The following HOXB3 variants were observed in gnomAD, a reference collection of about 807,000 sequenced individuals.
The protein encoded by HOXB3 is homeobox B3, also known as homeobox protein Hox-B3.
HOXB3 carries 17 observed loss-of-function variants against 29.2 expected under a neutral mutation model. The observed-to-expected ratio is 0.58, with a 90% CI of 0.40 to 0.87. The LOEUF (loss-of-function observed/expected upper bound fraction) is 0.87. Among genes scored for constraint, HOXB3 ranks in the 40% least tolerant of loss-of-function variants. The pLI, the probability that HOXB3 is intolerant of heterozygous loss-of-function variation, is 0.00. For missense variants in HOXB3, 637 were observed against 616.3 expected, an observed-to-expected ratio of 1.03 and a Z score of -0.35; for synonymous variants, 317 against 285.9, an observed-to-expected ratio of 1.11 and a Z score of -1.10.
intron 1 of HOXB3, chr17:48,579,124 G>T (rs983364518): frequency 3.9e-5 from 6 of 152,276 alleles, no homozygotes; most frequent in African/African-American, 7.2e-5. Context: ...CAGTCCGTCT[G>T]TCCCCCTTCT....
intron 2 of HOXB3, chr17:48,557,248 TCTTAA>T (rs1469900793): frequency 3.9e-5 from 6 of 152,298 alleles, no homozygotes; most frequent in African/African-American, 1.4e-4. Context: ...AAACTGGTCC[TCTTAA>T]CTTCATGTAA....
chr17:48,585,278 C>T (rs1442009530), intron 1 of HOXB3, among the ~76,000 whole-genome samples: 3 of 152,122 alleles, frequency 2.0e-5, no homozygotes, highest in African/African-American at 7.2e-5. Flanking sequence ...TTTTTGACAC[C>T]CGAGTGGGGC....
At chr17:48,577,734 C>A in intron 1 of HOXB3, 1 of 814,576 alleles carries the variant, frequency 1.2e-6, no homozygotes, top group Non-Finnish European at 1.7e-6. Context: ...CGTAAATCTC[C>A]GGCAATGGCG....
At chr17:48,589,419 CCTCT>C (rs1342282691) in intron 1 of HOXB3, among the ~76,000 whole-genome samples, 1 of 152,048 alleles carries the variant, frequency 6.6e-6, no homozygotes, top group Non-Finnish European at 1.5e-5. Context: ...GGGGAATTGC[CCTCT>C]CTGTCTGCTC....
chr17:48,555,264 C>A (rs1182205870), intron 3 of HOXB3: 1 of 533,686 alleles, frequency 1.9e-6, no homozygotes, highest in Non-Finnish European at 3.3e-6. Context: ...AGCCCTGGAT[C>A]TGGCTGCTGA....
In HOXB3 at chr17:48,564,341, C is replaced by T. The variant is rs987531163; in HGVS notation, c.-246-8723G>A. 6.6e-5 allele frequency among the ~76,000 whole-genome samples: 10 copies of T among 152,110 alleles called. No individual in the cohort carries two copies. The Middle Eastern group carries it at 0.01, about 156-fold the overall frequency. On this transcript the variant is annotated intron_variant, in intron 2 of 4. Coordinates refer to ENST00000498678, the MANE Select transcript of HOXB3 (RefSeq NM_001384749.1). ...CTCCGCCGCCGCAGCCAGCCGCATC[C>T]TAGTCGCTCAACCCGCAGCAACCCC... is the stretch of plus-strand genomic sequence containing the variant.
At chr17:48,571,840 A>ACTCCAGTT (rs1463621397) in intron 2 of HOXB3, among the ~76,000 whole-genome samples, 1 of 152,074 alleles carries the variant, frequency 6.6e-6, no homozygotes, top group Non-Finnish European at 1.5e-5. Flanking sequence ...AGTATCAACC[A>ACTCCAGTT]CTCCAGTTAT....
intron 1 of HOXB3, chr17:48,576,257 C>T (rs1029099004): frequency 2.6e-5 from 4 of 153,822 alleles, no homozygotes; most frequent in Non-Finnish European, 5.8e-5. Context: ...CCGAGCCGGG[C>T]CTCATTTGTT....
chr17:48,556,345 G>GT (rs1206139974), intron 2 of HOXB3: 1 of 152,492 alleles, frequency 6.6e-6, no homozygotes, highest in East Asian at 1.9e-4. Context: ...AGGGTGCCGG[G>GT]TGCCCCTCTG....
chr17:48,581,231 T>C (rs1331800420), intron 1 of HOXB3: 1 of 152,214 alleles, frequency 6.6e-6, no homozygotes, highest in African/African-American at 2.4e-5. Context: ...GATTTTCTTT[T>C]AATCTTAAAT....
At chr17:48,579,788 G>A (rs1003343529) in intron 1 of HOXB3, 5 of 362,368 alleles carry the variant, frequency 1.4e-5, no homozygotes, top group Non-Finnish European at 2.8e-5. Flanking sequence ...TCCTCATTCA[G>A]AAAAATACTA....
intron 2 of HOXB3, among the ~76,000 whole-genome samples, chr17:48,561,208 A>ACACACACACACACACC (rs2069183909): frequency 6.6e-6 from 1 of 151,584 alleles, no homozygotes; most frequent in Non-Finnish European, 1.5e-5. Context: ...ACACACACAC[A>ACACACACACACACACC]CACACACACA....
intron 1 of HOXB3, chr17:48,577,883 C>A (rs1242102189): frequency 2.2e-6 from 3 of 1,391,872 alleles, no homozygotes; most frequent in Admixed American, 2.9e-5. Context: ...GTGAACTTTG[C>A]GCATCCAGGG....
intron 2 of HOXB3, among the ~76,000 whole-genome samples, chr17:48,570,660 C>G (rs117171962): frequency 0.044 from 6,774 of 152,274 alleles, 191 homozygotes; most frequent in South Asian, 0.072. Flanking sequence ...CTCGGAGGTT[C>G]CAGCTACAGT....
chr17:48,564,657 C>A (rs528701294), intron 2 of HOXB3, among the ~76,000 whole-genome samples: 1 of 152,342 alleles, frequency 6.6e-6, no homozygotes, highest in East Asian at 1.9e-4. Context: ...CACGGCGAGG[C>A]GTAGGGAGCG....
chr17:48,558,066 G>T (rs556208624), intron 2 of HOXB3, among the ~76,000 whole-genome samples: 2 of 152,102 alleles, frequency 1.3e-5, no homozygotes. Flanking sequence ...AGCCAAGAAT[G>T]TACCTCAAAA....
intron 2 of HOXB3, among the ~76,000 whole-genome samples, chr17:48,561,183 AAC>A (rs530713063): frequency 0.13 from 16,345 of 125,272 alleles, 986 homozygotes; most frequent in South Asian, 0.17. Context: ...TCCGTCTCAA[AAC>A]ACACACACAC....
intron 1 of HOXB3, chr17:48,577,000 C>T (rs771104213): frequency 1.2e-6 from 2 of 1,604,932 alleles, no homozygotes; most frequent in Non-Finnish European, 1.7e-6. Flanking sequence ...TTGGGCTCCC[C>T]GCCGGCGTAA....
chr17:48,574,686 C>T (rs949817855), intron 1 of HOXB3, among the ~76,000 whole-genome samples: 5 of 152,162 alleles, frequency 3.3e-5, no homozygotes, highest in Admixed American at 2.0e-4. Flanking sequence ...CCAAGCAGTG[C>T]TGCACAAAAG....
Sources: allele counts gnomAD v4.1 joint callset (sites outside exome capture counted in the v4.1 genomes callset), GRCh38; gene constraint gnomAD v4.1.1; transcripts MANE v1.5; gene names NCBI Gene and HGNC (gene_info 2026-07-23, HGNC 2026-07-21).